The following EFL1 variants were observed in gnomAD, a reference collection of about 807,000 sequenced individuals.
EFL1 encodes elongation factor-like GTPase 1.
In EFL1, 76 loss-of-function variants were observed where a neutral mutation model predicts 126.7. The observed-to-expected ratio is 0.60, with a 90% CI of 0.50 to 0.73. The LOEUF (loss-of-function observed/expected upper bound fraction) is 0.73. Ranked by LOEUF, EFL1 falls within the 30% of genes least tolerant of loss-of-function variation. The probability of loss-of-function intolerance (pLI) is 0.00; values close to 1 mark genes in which losing one functional copy is unlikely to be tolerated. For synonymous variants in EFL1, 410 were observed against 448.4 expected, an observed-to-expected ratio of 0.91 and a Z score of 1.08; for missense variants, 1,128 against 1,343.2, an observed-to-expected ratio of 0.84 and a Z score of 2.50.
intron 15 of EFL1, among the ~76,000 whole-genome samples, chr15:82,212,058 A>C (rs1162199404): frequency 6.6e-6 from 1 of 152,222 alleles, no homozygotes; most frequent in Non-Finnish European, 1.5e-5. Context: ...TAAGTAAAAA[A>C]TGTCTACCTC....
chr15:82,215,411 T>A (rs920723151), intron 14 of EFL1, among the ~76,000 whole-genome samples: 29 of 152,122 alleles, frequency 1.9e-4, no homozygotes, highest in African/African-American at 6.8e-4. Flanking sequence ...AAGAGCATGC[T>A]GTGATATATT....
chr15:82,169,558 ATTC>A (rs1228118083), intron 15 of EFL1, among the ~76,000 whole-genome samples: 1 of 152,156 alleles, frequency 6.6e-6, no homozygotes, highest in African/African-American at 2.4e-5. Flanking sequence ...GCAGTTGTCT[ATTC>A]TTCTTTTAGG....
At chr15:82,256,039 A>G (rs747591496) in intron 3 of EFL1, among the ~76,000 whole-genome samples, 2 of 152,244 alleles carry the variant, frequency 1.3e-5, no homozygotes, top group Non-Finnish European at 2.9e-5. Flanking sequence ...CATTTAAAAA[A>G]TAGACAGCCA....
At chr15:82,260,780 A>G (rs2075105793) in intron 2 of EFL1, among the ~76,000 whole-genome samples, 1 of 152,200 alleles carries the variant, frequency 6.6e-6, no homozygotes, top group South Asian at 2.1e-4. Context: ...CCCAGTTCCT[A>G]GCTGGCATGA....
At chr15:82,194,333 C>T (rs1267212265) in intron 15 of EFL1, among the ~76,000 whole-genome samples, 1 of 152,194 alleles carries the variant, frequency 6.6e-6, no homozygotes, top group Non-Finnish European at 1.5e-5. Context: ...TTACTAAATA[C>T]TGCCAGAGAC....
chr15:82,246,589 G>A (rs934668949), intron 4 of EFL1, among the ~76,000 whole-genome samples: 5 of 152,056 alleles, frequency 3.3e-5, no homozygotes, highest in African/African-American at 1.2e-4. Flanking sequence ...AGAAAGACAA[G>A]AAAGACTTGA....
At chr15:82,192,422 A>T (rs999768221) in intron 15 of EFL1, among the ~76,000 whole-genome samples, 2 of 151,242 alleles carry the variant, frequency 1.3e-5, no homozygotes, top group African/African-American at 4.9e-5. Flanking sequence ...AAAAAAGAGT[A>T]AAAATACAGT....
At chr15:82,249,869 G>A (rs939330819) in intron 4 of EFL1, among the ~76,000 whole-genome samples, 1 of 151,996 alleles carries the variant, frequency 6.6e-6, no homozygotes, top group African/African-American at 2.4e-5. Context: ...ATAATGTGCA[G>A]GATTTATCTG....
intron 15 of EFL1, among the ~76,000 whole-genome samples, chr15:82,210,662 G>A (rs561901808): frequency 9.3e-4 from 141 of 152,196 alleles, no homozygotes; most frequent in Admixed American, 1.9e-3. Context: ...AGGAGTTCAA[G>A]AGCAGCCTGG....
rs1177941108 is a variant in EFL1 at position 82,163,970 on chromosome 15, G to T, written c.1765C>A (p.Gln589Lys). 2.5e-6 allele frequency: 4 copies of T among 1,614,004 alleles called. No individual in the cohort carries two copies. ...PGNVLGIGGL[Q>K]DFVLKSATLC... ...GTTGCAGATTTCAGCACAAAATCTT[G>T]AAGGCCTCCTATTCCTGTAGGAAGA... Residue 589 changes from glutamine to lysine, a missense_variant, in exon 16 of 20, where the codon CAA becomes AAA. By Grantham distance (53) the Gln-to-Lys change is moderately conservative (BLOSUM62 1). This residue lies in a region of EFL1 where 561 missense variants were observed against 641.7 expected (regional missense o/e 0.87). Transcript: ENST00000268206.
rs533627828 is a variant in EFL1 at position 82,228,911 on chromosome 15, C to G, written c.932+123G>C. ...CTTCCAAGCCCTGTAATCAACTCAT[C>G]TGTAGAAGCTCTGTTCATTTTCTCA... On this transcript the variant is annotated intron_variant, in intron 9 of 19. Transcript: ENST00000268206. 47 of 789,680 alleles carry G rather than the reference C, an allele frequency of 6.0e-5. No individual in the cohort carries two copies. In the Admixed American group the frequency reaches 8.1e-4, roughly 14 times the overall value. The allele number at this position is 789,680 out of a possible 1,614,324, so 48.9% of individuals were successfully genotyped here.
intron 15 of EFL1, among the ~76,000 whole-genome samples, chr15:82,182,210 T>C (rs1271346779): frequency 6.6e-6 from 1 of 152,130 alleles, no homozygotes; most frequent in Non-Finnish European, 1.5e-5. Flanking sequence ...CGAGCTGAGA[T>C]CATGCCACTG....
At chr15:82,199,276 TATGACACTAAGATAGCAGTTGGTTGCTCC>T (rs1347351331) in intron 15 of EFL1, among the ~76,000 whole-genome samples, 1 of 152,140 alleles carries the variant, frequency 6.6e-6, no homozygotes, top group African/African-American at 2.4e-5. Context: ...AGAATTAACT[TATGACACTAAGATAGCAGTTGGTTGCTCC>T]AGAAGTTGAG....
rs560743894 is a variant in EFL1, at chr15:82,237,431, G to A, written c.731+876C>T. ...GATGTTCAAGGTAAACCAGCTGTTA[G>A]GAAAACGCAAATTAAAACCACAATA... On this transcript the variant is annotated intron_variant, in intron 7 of 19. Transcript: ENST00000268206. Among the ~76,000 whole-genome samples the A allele has an allele frequency of 7.9e-5, 12 of 152,278 alleles. No individual in the cohort carries two copies. The South Asian group carries it at 2.5e-3, about 32-fold the overall frequency.
In EFL1 at chr15:82,229,106, T is replaced by C; in HGVS notation, c.860A>G (p.Lys287Arg). ...AKKIMKGDQA[K>R]GKKPLFVQLI... ...CTGTACAAATAAAGGTTTCTTTCCT[T>C]TGGCCTGTACAAAAGAACATACGGG... The change falls in exon 9 of 20, where the codon AAA becomes AGA. Residue 287 changes from lysine (K) to arginine (R), a missense_variant. Lys to Arg is a conservative substitution (Grantham distance 26, BLOSUM62 2). Transcript: ENST00000268206. 1.2e-6 allele frequency: 2 copies of C among 1,610,296 alleles called. No homozygotes were observed. The highest frequency in any genetic ancestry group is 1.7e-6 in the Non-Finnish European group (2 of 1,179,226).
intron 18 of EFL1, among the ~76,000 whole-genome samples, chr15:82,145,160 G>A (rs950471521): frequency 1.3e-5 from 2 of 151,806 alleles, no homozygotes; most frequent in South Asian, 2.1e-4. Flanking sequence ...AAAATTAGCC[G>A]GGCGTGGTGG....
At chr15:82,152,896 G>A (rs1168176680) in intron 17 of EFL1, among the ~76,000 whole-genome samples, 1 of 152,098 alleles carries the variant, frequency 6.6e-6, no homozygotes, top group African/African-American at 2.4e-5. Context: ...TGATAATGAG[G>A]CTTATAGCAA....
At chr15:82,139,280 T>C (rs1457071812) in intron 18 of EFL1, among the ~76,000 whole-genome samples, 1 of 152,242 alleles carries the variant, frequency 6.6e-6, no homozygotes, top group Non-Finnish European at 1.5e-5. Context: ...TTGGGCTTAG[T>C]AGGCAAGCAA....
intron 11 of EFL1, among the ~76,000 whole-genome samples, chr15:82,226,207 C>T (rs1055276997): frequency 1.8e-4 from 28 of 152,088 alleles, no homozygotes; most frequent in Admixed American, 1.6e-3. Context: ...CTTGTTCCGT[C>T]GCCCAGGCTG....
Sources: allele counts gnomAD v4.1 joint callset (sites outside exome capture counted in the v4.1 genomes callset), GRCh38; gene constraint gnomAD v4.1.1; regional missense constraint gnomAD v4.1.1; transcripts MANE v1.5; gene names NCBI Gene and HGNC (gene_info 2026-07-23, HGNC 2026-07-21).